PIK3CD: variants seen among roughly 807,000 people sequenced by gnomAD.
PIK3CD encodes phosphatidylinositol-4,5-bisphosphate 3-kinase catalytic subunit delta.
A neutral mutation model predicts 122.9 loss-of-function variants in PIK3CD; 20 were observed. The ratio of observed to expected loss-of-function variants is 0.16; its 90% CI spans 0.11 to 0.24. The LOEUF is 0.24. PIK3CD is among the 10% of genes least tolerant of loss of function. PIK3CD has a pLI of 1.00. For missense variants in PIK3CD, 787 were observed against 1,406.3 expected (o/e 0.56, Z 7.04); for synonymous variants, 596 against 593.4 (o/e 1.00, Z -0.06).
chr1:9,657,713 ACT>A (rs368627324), intron 1 of PIK3CD, among the ~76,000 whole-genome samples: 1 of 150,630 alleles, frequency 6.6e-6, no homozygotes, highest in Non-Finnish European at 1.5e-5. Context: ...GCCCAGGGCT[ACT>A]CTCTCTCTCT....
intron 1 of PIK3CD, among the ~76,000 whole-genome samples, chr1:9,684,550 AAAG>A (rs1645891426): frequency 2.0e-5 from 3 of 149,658 alleles, no homozygotes; most frequent in African/African-American, 7.5e-5. Flanking sequence ...AAAAAAAAAA[AAAG>A]AAAAAAGAAA....
rs759489536 is a variant in PIK3CD at position 9,717,131 on chromosome 1, C to G, written c.930+23C>G. On this transcript the variant is annotated intron_variant, in intron 7 of 23. Coordinates refer to ENST00000377346, the MANE Select transcript of PIK3CD (RefSeq NM_005026.5). This position sits in a 1 kb window ranked among gnomAD's most constrained non-coding sequence, Gnocchi z 5.4. ...AAGGTGAGATGGCGCCTTCCGCCTC[C>G]CCTCTGAGCCACCCCTTCTTTCCAC... 1.9e-6 allele frequency: 3 copies of G among 1,613,508 alleles called. No homozygotes were observed. The highest frequency in any genetic ancestry group is 2.5e-6 in the Non-Finnish European group (3 of 1,179,928).
At chr1:9,646,674 C>G in the PIK3CD span, among the ~76,000 whole-genome samples, 2 of 152,162 alleles carry the variant, frequency 1.3e-5, no homozygotes, top group African/African-American at 4.8e-5. Flanking sequence ...AAGACTGAGC[C>G]AGGTGTGGTG....
chr1:9,711,506 A>G (rs6541017), intron 3 of PIK3CD, among the ~76,000 whole-genome samples: 26,654 of 152,058 alleles, frequency 0.18, 2,521 homozygotes, highest in East Asian at 0.24. Context: ...TCAGTTATCC[A>G]ATTATTCATG....
chr1:9,672,292 T>C (rs1645353401), intron 1 of PIK3CD: 1 of 152,216 alleles, frequency 6.6e-6, no homozygotes, highest in African/African-American at 2.4e-5. Context: ...ATGGGTGCTC[T>C]GGGAAGATGT....
Position 9,727,959 on chromosome 1 carries a change from C to T in PIK3CD, c.*913C>T, listed in dbSNP as rs931626776. 6 of 164,434 alleles carry T rather than the reference C, an allele frequency of 3.6e-5. No homozygotes were observed. Among genetic ancestry groups the T allele is most frequent in the East Asian group, 1.3e-4 (1 of 7,960 alleles). 10.2% of individuals were successfully genotyped at this position (164,434 alleles called of 1,614,324 possible). A position where few individuals can be genotyped will look rare whatever the true frequency, so the allele number is the denominator to read the frequency against. On this transcript the variant is annotated 3_prime_UTR_variant, in exon 24 of 24. Transcript: ENST00000377346. ...AGCTGGGATTACAGGTGTGCACCACCGTACCCAGCTAATTTTTGTATTTTA... is the reference window on the plus strand; with the variant it reads ...AGCTGGGATTACAGGTGTGCACCACTGTACCCAGCTAATTTTTGTATTTTA...
In PIK3CD at chr1:9,715,961, C is replaced by T; in HGVS notation, c.483C>T (p.Ala161=). 1 of 1,612,422 alleles carries T rather than the reference C, an allele frequency of 6.2e-7. No homozygotes were observed. Residue 161 remains alanine, a synonymous_variant, in exon 5 of 24, where the codon GCC becomes GCT. Transcript: ENST00000377346. This position sits in a 1 kb window ranked among gnomAD's most constrained non-coding sequence, Gnocchi z 4.1. Reference sequence around the variant, plus strand: ...GCCGGCAGCAGCTGGGCTGGGAGGCCTGGCTGCAGTACAGTTTCCCCCTGC... The same window carrying T: ...GCCGGCAGCAGCTGGGCTGGGAGGCTTGGCTGCAGTACAGTTTCCCCCTGC... ...AARRQQLGWE[A]WLQYSFPLQL...
At chr1:9,653,945 C>T in intron 1 of PIK3CD, 1 of 1,362,144 alleles carries the variant, frequency 7.3e-7, no homozygotes, top group South Asian at 1.1e-5. Flanking sequence ...GTAGCTCATA[C>T]CTGTCATCCC....
the PIK3CD span, among the ~76,000 whole-genome samples, chr1:9,634,042 G>A: frequency 4.0e-5 from 6 of 151,544 alleles, no homozygotes; most frequent in South Asian, 4.2e-4. Flanking sequence ...GCGTGATCTC[G>A]GCTCACTGCA....
chr1:9,649,379 C>T (rs1379256949), upstream of PIK3CD, among the ~76,000 whole-genome samples: 5 of 152,092 alleles, frequency 3.3e-5, no homozygotes, highest in Admixed American at 6.6e-5. Flanking sequence ...TACAGGTGCA[C>T]ACCACTAAAC....
Position 9,715,691 on chromosome 1 carries a change from G to T in PIK3CD, c.292G>T (p.Val98Phe). 1 of 1,613,660 alleles carries T rather than the reference G, an allele frequency of 6.2e-7. No homozygotes were observed. Among genetic ancestry groups the T allele is most frequent in the Non-Finnish European group, 8.5e-7 (1 of 1,180,026 alleles). The change falls in exon 4 of 24, where the codon GTC (valine) becomes TTC (phenylalanine). Residue 98 changes from valine to phenylalanine, a missense_variant. Transcript: ENST00000377346. The surrounding 1 kb of genome is among the most constrained non-coding windows in gnomAD (Gnocchi z 4.1). ...GTGTGACGTGCAGCCCTTCCTGCCC[G>T]TCCTGCGCCTGGTGGCCCGTGAGGG... ...RLCDVQPFLP[V>F]LRLVAREGDR...
At chr1:9,654,078 CAT>C (rs1644763067) in intron 1 of PIK3CD, 1 of 1,185,696 alleles carries the variant, frequency 8.4e-7, no homozygotes, top group South Asian at 1.3e-5. Context: ...CTCTGAGAAA[CAT>C]AATACAACAA....
intron 2 of PIK3CD, among the ~76,000 whole-genome samples, chr1:9,707,940 C>G (rs1011114077): frequency 6.7e-6 from 1 of 149,734 alleles, no homozygotes; most frequent in Non-Finnish European, 1.5e-5. Flanking sequence ...ACTATGGGTG[C>G]CCGCCACCAC....
intron 1 of PIK3CD, among the ~76,000 whole-genome samples, chr1:9,663,538 T>C (rs1440518464): frequency 1.3e-5 from 2 of 152,204 alleles, no homozygotes; most frequent in Non-Finnish European, 2.9e-5. Flanking sequence ...CTGGTGGGCA[T>C]TAAGAGGTCT....
chr1:9,711,061 A>G (rs183334409), intron 3 of PIK3CD, among the ~76,000 whole-genome samples: 1 of 152,242 alleles, frequency 6.6e-6, no homozygotes, highest in East Asian at 1.9e-4. Flanking sequence ...CTGAGATTCC[A>G]GGCGTGAGCC....
chr1:9,685,298 T>TTTTG (rs765843708), intron 1 of PIK3CD, among the ~76,000 whole-genome samples: 2 of 152,152 alleles, frequency 1.3e-5, no homozygotes. Flanking sequence ...TAACTGGTTT[T>TTTTG]TTTGTTTGTT....
rs1479217927 is a variant in PIK3CD at position 9,721,255 on chromosome 1, C to T, written c.1811+7C>T. On this transcript the variant is annotated splice_region_variant and intron_variant, in intron 14 of 23. Transcript: ENST00000377346. ...AGTCGCTGCGGAAACTGACGTGAGT[C>T]CCAGCTGGGCGCTCCCCACTTCTCC... 1 of 1,613,214 alleles carries T rather than the reference C, an allele frequency of 6.2e-7. No individual in the cohort carries two copies. Among genetic ancestry groups the T allele is most frequent in the South Asian group, 1.1e-5 (1 of 91,064 alleles).
intron 15 of PIK3CD, 22 bp from the exon 16 acceptor site, chr1:9,721,739 C>T: frequency 6.2e-7 from 1 of 1,611,496 alleles, no homozygotes; most frequent in South Asian, 1.1e-5. Context: ...TGGTGAGGCT[C>T]AGCCCTCCCT....
intron 1 of PIK3CD, among the ~76,000 whole-genome samples, chr1:9,683,010 T>C (rs1228710506): frequency 1.3e-5 from 2 of 150,468 alleles, no homozygotes; most frequent in Admixed American, 6.6e-5. Context: ...TGTCAAACGC[T>C]TTCCCCACTG....
Sources: allele counts gnomAD v4.1 joint callset (sites outside exome capture counted in the v4.1 genomes callset), GRCh38; gene constraint gnomAD v4.1.1; non-coding constraint Gnocchi (gnomAD v3.1); transcripts MANE v1.5; gene names NCBI Gene and HGNC (gene_info 2026-07-23, HGNC 2026-07-21).